MRC1: variants seen among roughly 807,000 people sequenced by gnomAD.
MRC1 encodes macrophage mannose receptor 1.
In MRC1, 62 loss-of-function variants were observed where a neutral mutation model predicts 102.9. That is an observed-to-expected ratio of 0.60 (90% CI 0.49 to 0.74). The LOEUF (loss-of-function observed/expected upper bound fraction) is 0.74, where lower values mean the gene tolerates loss of function less well. MRC1 is among the 30% of genes least tolerant of loss of function. The probability of loss-of-function intolerance (pLI) is 0.00; values close to 1 mark genes in which losing one functional copy is unlikely to be tolerated. For missense variants in MRC1, 1,237 were observed against 862.8 expected, an observed-to-expected ratio of 1.43 and a Z score of -5.43; for synonymous variants, 457 against 298.4, an observed-to-expected ratio of 1.53 and a Z score of -5.48.
intron 17 of MRC1, among the ~76,000 whole-genome samples, chr10:17,877,636 A>C (rs1833455235): frequency 6.6e-6 from 1 of 152,274 alleles, no homozygotes; most frequent in Non-Finnish European, 1.5e-5. Context: ...TGTTGAAGAC[A>C]TTCTTTAAAA....
Position 17,880,506 on chromosome 10 carries a change from C to G in MRC1, c.2720-19C>G. On this transcript the variant is annotated intron_variant, in intron 19 of 29. Transcript: ENST00000569591. ...ACATAAACATATGAATCTAATTTAA[C>G]TATTTCTCTCTTTGCCAGGGTTTTG... is the stretch of plus-strand genomic sequence containing the variant. 1 of 780,704 alleles carries G rather than the reference C, an allele frequency of 1.3e-6. No homozygotes were observed. The highest frequency in any genetic ancestry group is 2.4e-5 in the East Asian group (1 of 41,254). 48.4% of individuals were successfully genotyped at this position (780,704 alleles called of 1,614,324 possible).
intron 5 of MRC1, among the ~76,000 whole-genome samples, chr10:17,843,367 C>A (rs2130630146): frequency 6.6e-6 from 1 of 152,210 alleles, no homozygotes; most frequent in African/African-American, 2.4e-5. Flanking sequence ...ATGCTTATTA[C>A]TAACTTTAAG....
chr10:17,886,589 A>G (rs1443507796), intron 22 of MRC1, among the ~76,000 whole-genome samples: 1 of 152,146 alleles, frequency 6.6e-6, no homozygotes, highest in African/African-American at 2.4e-5. Context: ...TTTAGTAGAG[A>G]TGGGCTTTTA....
chr10:17,869,318 G>A (rs1833321851), intron 12 of MRC1, among the ~76,000 whole-genome samples: 1 of 152,180 alleles, frequency 6.6e-6, no homozygotes, highest in African/African-American at 2.4e-5. Context: ...GGGATATACT[G>A]ATGTGGATAT....
chr10:17,854,250 C>T (rs1833044189), intron 8 of MRC1, among the ~76,000 whole-genome samples: 1 of 152,170 alleles, frequency 6.6e-6, no homozygotes, highest in Non-Finnish European at 1.5e-5. Context: ...CTGTGCCAGG[C>T]CCAGGATATG....
chr10:17,820,268 C>G (rs1278390737), intron 1 of MRC1, among the ~76,000 whole-genome samples: 1 of 151,986 alleles, frequency 6.6e-6, no homozygotes, highest in African/African-American at 2.4e-5. Context: ...GTAGATTTCA[C>G]TATTGCCTTA....
intron 22 of MRC1, 58 bp from the exon 23 acceptor site, chr10:17,894,152 G>A: frequency 3.5e-6 from 3 of 862,006 alleles, no homozygotes; most frequent in Non-Finnish European, 6.1e-6. Flanking sequence ...TTAATGAATT[G>A]ATTTCAATAG....
chr10:17,871,740 G>A (rs1262743650), intron 14 of MRC1, among the ~76,000 whole-genome samples: 2 of 152,034 alleles, frequency 1.3e-5, no homozygotes, highest in Non-Finnish European at 2.9e-5. Context: ...TATTTAATAA[G>A]AGTAAAGAAA....
chr10:17,899,568 A>C (rs1453110222), intron 24 of MRC1, among the ~76,000 whole-genome samples: 2 of 152,118 alleles, frequency 1.3e-5, no homozygotes, highest in Admixed American at 6.6e-5. Context: ...AATTTTTGTC[A>C]CTGGATTTTT....
In MRC1 at chr10:17,885,321, G is replaced by A. The variant is rs1464281247; in HGVS notation, c.3033G>A (p.Leu1011=). 1.9e-5 allele frequency: 15 copies of A among 780,768 alleles called. No homozygotes were observed. The highest frequency in any genetic ancestry group is 3.6e-5 in the Non-Finnish European group (15 of 417,964). The allele number at this position is 780,768 out of a possible 1,614,324, so 48.4% of individuals were successfully genotyped here. ...CCACTTTCAGTGCCTGGACTGGGCTGAATGATGTCAATTCAGAACACACGT... is the reference window on the plus strand; with the variant it reads ...CCACTTTCAGTGCCTGGACTGGGCTAAATGATGTCAATTCAGAACACACGT... ...KDSTFSAWTG[L]NDVNSEHTFL... Residue 1011 remains leucine, a synonymous_variant, in exon 22 of 30, where the codon CTG becomes CTA. Transcript: ENST00000569591.
chr10:17,834,486 CACTGTA>C (rs1238455460), intron 4 of MRC1, among the ~76,000 whole-genome samples: 1 of 152,194 alleles, frequency 6.6e-6, no homozygotes, highest in Non-Finnish European at 1.5e-5. Context: ...AATCTCAGCT[CACTGTA>C]ACCTCCACCT....
chr10:17,908,554 G>C, intron 28 of MRC1, among the ~76,000 whole-genome samples: 1 of 151,864 alleles, frequency 6.6e-6, no homozygotes, highest in Non-Finnish European at 1.5e-5. Context: ...CAATGTTGGA[G>C]TTGTTTTATT....
chr10:17,838,824 G>T (rs1838708709), intron 4 of MRC1, among the ~76,000 whole-genome samples: 1 of 152,016 alleles, frequency 6.6e-6, no homozygotes, highest in African/African-American at 2.4e-5. Flanking sequence ...AAAAATTTCT[G>T]GTTTGAGTTG....
At chr10:17,819,449 T>TTGTGTGTGTGTGTGTG in intron 1 of MRC1, among the ~76,000 whole-genome samples, 1 of 99,056 alleles carries the variant, frequency 1.0e-5, no homozygotes, top group African/African-American at 4.6e-5. Context: ...GAATTCAGAG[T>TTGTGTGTGTGTGTGTG]TGTATGTGTG....
chr10:17,865,747 A>G (rs1404819924), intron 11 of MRC1, among the ~76,000 whole-genome samples: 1 of 152,204 alleles, frequency 6.6e-6, no homozygotes, highest in African/African-American at 2.4e-5. Context: ...AGAGAAGGAG[A>G]CAATCTTAGG....
At chr10:17,875,872 A>G (rs1833429586) in intron 17 of MRC1, among the ~76,000 whole-genome samples, 1 of 152,258 alleles carries the variant, frequency 6.6e-6, no homozygotes. Flanking sequence ...ACTAGCTTAC[A>G]TGCCCACCAA....
chr10:17,812,756 A>G (rs1436728984), intron 1 of MRC1, among the ~76,000 whole-genome samples: 3 of 151,922 alleles, frequency 2.0e-5, no homozygotes, highest in Non-Finnish European at 4.4e-5. Context: ...TATTTTTAGT[A>G]GAGATGGGGT....
intron 26 of MRC1, among the ~76,000 whole-genome samples, chr10:17,905,810 T>A (rs1328600208): frequency 1.3e-5 from 2 of 152,104 alleles, no homozygotes; most frequent in Admixed American, 1.3e-4. Flanking sequence ...TCTGCTACTG[T>A]TAGGATCTTG....
chr10:17,811,278 G>T lies in MRC1; in HGVS notation c.61+1752G>T, dbSNP rs35060815. On this transcript the variant is annotated intron_variant, in intron 1 of 29. Coordinates refer to ENST00000569591, the MANE Select transcript of MRC1 (RefSeq NM_002438.4). ...CATTTTAAGTGTACAATGGTTACAT[G>T]AGGTGACTGGCTATCATACTGGGCA... 1.3e-3 allele frequency among the ~76,000 whole-genome samples: 193 copies of T among 152,162 alleles called. 1 individual carries two copies. The highest frequency in any genetic ancestry group is 4.4e-3 in the African/African-American group (181 of 41,498).
Sources: gnomAD v4.1 joint callset for allele counts (sites outside exome capture counted in the v4.1 genomes callset) on GRCh38, gnomAD v4.1.1 for gene constraint, MANE v1.5 for transcripts, NCBI Gene and HGNC (gene_info 2026-07-23, HGNC 2026-07-21) for gene names.